Variants in ATP8A2 observed in about 807,000 individuals in gnomAD.
ATP8A2 encodes phospholipid-transporting ATPase IB.
In ATP8A2, 100 loss-of-function variants were observed where a neutral mutation model predicts 165.6. The observed-to-expected ratio is 0.60, with a 90% confidence interval of 0.51 to 0.71. ATP8A2 has a LOEUF of 0.71. Ranked by LOEUF, ATP8A2 falls within the 30% of genes least tolerant of loss-of-function variation. ATP8A2 has a pLI of 0.00. For synonymous variants in ATP8A2, 543 were observed against 548.8 expected (o/e 0.99, Z 0.15); for missense variants, 1,227 against 1,479.5 (o/e 0.83, Z 2.80).
chr13:26,011,884 A>G (rs959274083), intron 35 of ATP8A2, among the ~76,000 whole-genome samples: 23 of 152,182 alleles, frequency 1.5e-4, no homozygotes, highest in African/African-American at 5.5e-4. Flanking sequence ...GCAGTGAGCT[A>G]TGATTGTGCC....
intron 1 of ATP8A2, among the ~76,000 whole-genome samples, chr13:25,395,669 A>G (rs1462511098): frequency 6.6e-6 from 1 of 152,074 alleles, no homozygotes; most frequent in Non-Finnish European, 1.5e-5. Flanking sequence ...TTGAGTATCT[A>G]GAACTACAGG....
chr13:25,520,181 C>A (rs941731555), intron 2 of ATP8A2, among the ~76,000 whole-genome samples: 2 of 152,150 alleles, frequency 1.3e-5, no homozygotes, highest in Non-Finnish European at 2.9e-5. Flanking sequence ...TCCGTGCTAC[C>A]CCTCCTAGCC....
At chr13:25,810,845 A>G (rs1398086271) in intron 27 of ATP8A2, among the ~76,000 whole-genome samples, 1 of 152,144 alleles carries the variant, frequency 6.6e-6, no homozygotes, top group Non-Finnish European at 1.5e-5. Context: ...GAGTTTTTGA[A>G]TGGTTATTGG....
At chr13:25,877,673 T>G (rs1952853919) in intron 33 of ATP8A2, among the ~76,000 whole-genome samples, 1 of 152,220 alleles carries the variant, frequency 6.6e-6, no homozygotes, top group Admixed American at 6.5e-5. Flanking sequence ...CTTTCTAAAC[T>G]TTCATACTAG....
intron 2 of ATP8A2, among the ~76,000 whole-genome samples, chr13:25,469,882 C>G (rs1019276414): frequency 4.6e-5 from 7 of 152,130 alleles, no homozygotes; most frequent in African/African-American, 1.7e-4. Context: ...CACGGGTGTT[C>G]GTACATTTTC....
chr13:25,553,969 A>C (rs1361084359), intron 12 of ATP8A2, 49 bp downstream of exon 12: 1 of 1,569,294 alleles, frequency 6.4e-7, no homozygotes, highest in Non-Finnish European at 8.7e-7. Flanking sequence ...GCTATTTCAG[A>C]GCCTTTGGCA....
At chr13:25,716,067 G>T (rs925887477) in intron 25 of ATP8A2, among the ~76,000 whole-genome samples, 1 of 152,168 alleles carries the variant, frequency 6.6e-6, no homozygotes, top group African/African-American at 2.4e-5. Flanking sequence ...TTTCCCTGAT[G>T]ATTAAAGATG....
chr13:25,962,301 T>C (rs1417982348), intron 34 of ATP8A2, among the ~76,000 whole-genome samples: 1 of 152,168 alleles, frequency 6.6e-6, no homozygotes. Flanking sequence ...TGAAGTACTC[T>C]TCATTTTTCC....
intron 1 of ATP8A2, among the ~76,000 whole-genome samples, chr13:25,446,346 A>G (rs1439647159): frequency 6.6e-6 from 1 of 152,150 alleles, no homozygotes; most frequent in Non-Finnish European, 1.5e-5. Context: ...TCCCCAAATG[A>G]GCGCAGAATT....
intron 35 of ATP8A2, among the ~76,000 whole-genome samples, chr13:26,004,249 T>G (rs1161539640): frequency 6.6e-6 from 1 of 152,112 alleles, no homozygotes; most frequent in East Asian, 1.9e-4. Context: ...AATTTACACT[T>G]AAGTATTTTG....
At chr13:25,424,053 C>T (rs1029539412) in intron 1 of ATP8A2, among the ~76,000 whole-genome samples, 1 of 152,060 alleles carries the variant, frequency 6.6e-6, no homozygotes, top group Non-Finnish European at 1.5e-5. Flanking sequence ...AAATTGTCGG[C>T]ACACGGTGTC....
intron 6 of ATP8A2, chr13:25,534,206 T>C (rs1566234074): frequency 1.9e-6 from 1 of 532,954 alleles, no homozygotes; most frequent in Admixed American, 1.9e-5. Context: ...TTTAAAGAAA[T>C]TTCTCCTTTA....
intron 33 of ATP8A2, among the ~76,000 whole-genome samples, chr13:25,904,045 G>A (rs1165661987): frequency 1.3e-5 from 2 of 152,190 alleles, no homozygotes; most frequent in East Asian, 1.9e-4. Flanking sequence ...CTGGTGTTTC[G>A]GATTTTGATT....
intron 2 of ATP8A2, among the ~76,000 whole-genome samples, chr13:25,514,561 AG>A (rs1193656061): frequency 6.6e-6 from 1 of 152,192 alleles, no homozygotes; most frequent in Non-Finnish European, 1.5e-5. Context: ...TGGGTGTAGC[AG>A]CCTGGCTGTG....
At chr13:25,745,140 G>T (rs2044003337) in intron 25 of ATP8A2, among the ~76,000 whole-genome samples, 1 of 151,978 alleles carries the variant, frequency 6.6e-6, no homozygotes, top group Admixed American at 6.6e-5. Flanking sequence ...ACGGGGTTTT[G>T]CCATGTTGGC....
chr13:26,010,190 T>C (rs1956815989), intron 35 of ATP8A2, among the ~76,000 whole-genome samples: 1 of 152,246 alleles, frequency 6.6e-6, no homozygotes, highest in South Asian at 2.1e-4. Flanking sequence ...ATCTGACCTT[T>C]GTCAAGTTAT....
Position 25,431,546 on chromosome 13 carries a change from T to G in ATP8A2, c.77-37431T>G, listed in dbSNP as rs528482329. On this transcript the variant is annotated intron_variant, in intron 1 of 36. Coordinates refer to ENST00000381655, the MANE Select transcript of ATP8A2 (RefSeq NM_016529.6). ...AATTATGATGGAATGGGAATTGATT[T>G]TCTTTCCCCTGAGCTCTGGAAAACA... is the stretch of plus-strand genomic sequence containing the variant. Among the ~76,000 whole-genome samples the G allele has an allele frequency of 3.3e-5, 5 of 152,348 alleles. No individual in the cohort carries two copies. In the East Asian group the frequency reaches 9.6e-4, roughly 29 times the overall value.
rs200723564 is a variant in ATP8A2 at position 25,889,245 on chromosome 13, CATATAT to C, written c.3183+26861_3183+26866del. Among the ~76,000 whole-genome samples, 821 of 109,930 alleles carry C rather than the reference CATATAT, an allele frequency of 7.5e-3. 13 individuals carry two copies. Among genetic ancestry groups the C allele is most frequent in the African/African-American group, 0.018 (420 of 23,490 alleles). 72.1% of individuals were successfully genotyped at this position (109,930 alleles called of 152,430 possible). ...TTAAATTTGTTTGCTCATCCTTTGT[CATATAT>C]ATATATATATATATATATATATAAA... On this transcript the variant is annotated intron_variant, in intron 33 of 36. Transcript: ENST00000381655.
chr13:25,464,446 T>TAA (rs34063090), intron 1 of ATP8A2, among the ~76,000 whole-genome samples: 32,333 of 127,184 alleles, frequency 0.25, 4,359 homozygotes, highest in Middle Eastern at 0.3. Flanking sequence ...CATCTCTATC[T>TAA]AAAAAAAAAA....
Sources: allele counts gnomAD v4.1 joint callset (sites outside exome capture counted in the v4.1 genomes callset), GRCh38; gene constraint gnomAD v4.1.1; transcripts MANE v1.5; gene names NCBI Gene and HGNC (gene_info 2026-07-23, HGNC 2026-07-21).